Variants in GTF3C2 observed in about 807,000 individuals in gnomAD.
The protein encoded by GTF3C2 is general transcription factor IIIC subunit 2.
A neutral mutation model predicts 117.4 loss-of-function variants in GTF3C2; 17 were observed. The ratio of observed to expected loss-of-function variants is 0.14; its 90% CI spans 0.10 to 0.22. The LOEUF (loss-of-function observed/expected upper bound fraction) is 0.22, where lower values mean the gene tolerates loss of function less well. GTF3C2 is among the 10% of genes least tolerant of loss of function. The pLI is 1.00. For synonymous variants in GTF3C2, 437 were observed against 427.0 expected (o/e 1.02, Z -0.29); for missense variants, 888 against 1,143.6 (o/e 0.78, Z 3.22).
intron 1 of GTF3C2, among the ~76,000 whole-genome samples, chr2:27,353,265 C>CA (rs753511102): frequency 3.3e-5 from 5 of 151,696 alleles, no homozygotes; most frequent in Non-Finnish European, 7.4e-5. Context: ...TGGCGGCACA[C>CA]CCCTGTAATC....
chr2:27,326,092 G>A, exon 19 of GTF3C2: 1 of 407,304 alleles, frequency 2.5e-6, no homozygotes, highest in Non-Finnish European at 5.0e-6. Flanking sequence ...GTAAGCAGGA[G>A]CAAGTAAGAT....
intron 10 of GTF3C2, among the ~76,000 whole-genome samples, chr2:27,335,095 A>G (rs1389979679): frequency 6.6e-6 from 1 of 152,220 alleles, no homozygotes; most frequent in African/African-American, 2.4e-5. Context: ...ACTCAGTACT[A>G]ATGAAAAATA....
chr2:27,355,100 T>A (rs1228203959), intron 1 of GTF3C2, among the ~76,000 whole-genome samples: 1 of 152,240 alleles, frequency 6.6e-6, no homozygotes, highest in African/African-American at 2.4e-5. Flanking sequence ...CTGATCTTTT[T>A]AATTTTCGCC....
intron 1 of GTF3C2, chr2:27,356,104 C>A (rs1681366040): frequency 4.7e-6 from 6 of 1,289,212 alleles, no homozygotes; most frequent in Non-Finnish European, 5.1e-6. Flanking sequence ...ATCCCTCCAA[C>A]AAAGTGAGTT....
At chr2:27,333,893 T>TA (rs1680363694) in intron 11 of GTF3C2, 81 bp downstream of exon 11, 1 of 1,457,764 alleles carries the variant, frequency 6.9e-7, no homozygotes, top group South Asian at 1.1e-5. Flanking sequence ...TTCAGAAGTA[T>TA]AAGGAGACTC....
At chr2:27,326,930 T>A (rs778420883) in intron 18 of GTF3C2, 37 bp from the exon 19 acceptor site, 11 of 1,377,826 alleles carry the variant, frequency 8.0e-6, no homozygotes, top group Non-Finnish European at 1.1e-5. Flanking sequence ...GAGATGCTCA[T>A]GGGTGGTGCT....
chr2:27,343,039 G>A, exon 3 of GTF3C2: 1 of 1,614,092 alleles, frequency 6.2e-7, no homozygotes, highest in Non-Finnish European at 8.5e-7. Context: ...GGCTGATGGA[G>A]GATTAGGCTG....
chr2:27,353,571 T>C (rs1681217333), intron 1 of GTF3C2, among the ~76,000 whole-genome samples: 1 of 152,010 alleles, frequency 6.6e-6, no homozygotes, highest in Non-Finnish European at 1.5e-5. Flanking sequence ...CCTGAGTAGC[T>C]GGGATTACAG....
At chr2:27,327,837 A>G (rs1680137302) in intron 17 of GTF3C2, among the ~76,000 whole-genome samples, 200 bp downstream of exon 17, 2 of 152,134 alleles carry the variant, frequency 1.3e-5, no homozygotes, top group African/African-American at 4.8e-5. Flanking sequence ...CATGTTGGCC[A>G]GGATGGTCTT....
At chr2:27,352,649 C>T (rs1681175147) in intron 1 of GTF3C2, among the ~76,000 whole-genome samples, 1 of 152,104 alleles carries the variant, frequency 6.6e-6, no homozygotes, top group Non-Finnish European at 1.5e-5. Context: ...TACAGTCAAA[C>T]TTTTAAGACA....
Position 27,329,065 on chromosome 2 carries a change from T to C in GTF3C2, c.2039+56A>G. The C allele has an allele frequency of 6.4e-7, 1 of 1,564,002 alleles. No homozygotes were observed. Among genetic ancestry groups the C allele is most frequent in the African/African-American group, 1.4e-5 (1 of 74,056 alleles). ...TCTCCCCACAACAATCTGGCATGCT[T>C]TGCATTCCAACCCTTAGGGCCTGTC... On this transcript the variant is annotated intron_variant, in intron 14 of 18. Coordinates refer to ENST00000264720, the Ensembl canonical transcript of GTF3C2. This position sits in a 1 kb window ranked among gnomAD's most constrained non-coding sequence, Gnocchi z 4.5.
Position 27,328,841 on chromosome 2 carries a change from C to T in GTF3C2, c.2127+3G>A. 6.2e-7 allele frequency: 1 copy of T among 1,606,418 alleles called. No individual in the cohort carries two copies. The highest frequency in any genetic ancestry group is 1.1e-5 in the South Asian group (1 of 90,862). On this transcript the variant is annotated splice_donor_region_variant and intron_variant, in intron 15 of 18. Coordinates refer to ENST00000264720, the Ensembl canonical transcript of GTF3C2. ...GAAGACTGCAAAAGAAAGGGGGGCT[C>T]ACCCAAACGGTGCCTTTTCGAGGAG...
chr2:27,340,626 GTCTT>G (rs1680694346), intron 4 of GTF3C2: 1 of 148,268 alleles, frequency 6.7e-6, no homozygotes, highest in African/African-American at 2.5e-5. Flanking sequence ...AACTGAAACT[GTCTT>G]TTTTTTTTTT....
chr2:27,356,268 C>T (rs1027120497), intron 1 of GTF3C2: 1 of 419,934 alleles, frequency 2.4e-6, no homozygotes, highest in Non-Finnish European at 4.7e-6. Context: ...GTTAAAGAGC[C>T]TCCTCGAGGA....
intron 5 of GTF3C2, 29 bp downstream of exon 5, chr2:27,337,896 TA>T (rs890567882): frequency 4.5e-6 from 6 of 1,344,072 alleles, no homozygotes; most frequent in African/African-American, 4.3e-5. Flanking sequence ...ACCCCTTTAT[TA>T]ACCCCAGCCC....
intron 1 of GTF3C2, 188 bp downstream of exon 1, chr2:27,356,551 T>A (rs773029637): frequency 1.5e-5 from 3 of 206,520 alleles, no homozygotes; most frequent in Non-Finnish European, 3.1e-5. Context: ...GGGTGCACGG[T>A]GGCCACAGTA....
intron 1 of GTF3C2, among the ~76,000 whole-genome samples, chr2:27,345,390 C>T (rs945856474): frequency 6.6e-6 from 1 of 152,054 alleles, no homozygotes; most frequent in Non-Finnish European, 1.5e-5. Flanking sequence ...GTCAGGAGTT[C>T]GAGACCAGCC....
Position 27,328,260 on chromosome 2 carries a change from G to C in GTF3C2, c.2257-71C>G, listed in dbSNP as rs564504338. 2.1e-5 allele frequency: 27 copies of C among 1,264,564 alleles called. No individual in the cohort carries two copies. The South Asian group carries it at 3.3e-4, about 15-fold the overall frequency. The allele number at this position is 1,264,564 out of a possible 1,614,324, so 78.3% of individuals were successfully genotyped here. ...AATAAAAGCAGAGGAAAGTGGTTTG[G>C]GCAGGAAAGGCTTAAAGATGGAAAA... On this transcript the variant is annotated intron_variant, in intron 16 of 18. Transcript: ENST00000264720.
In GTF3C2 at chr2:27,329,471, C is replaced by T. The variant is rs1238382881; in HGVS notation, c.1785G>A (p.Arg595=). The T allele has an allele frequency of 6.2e-7, 1 of 1,613,968 alleles. No individual in the cohort carries two copies. Among genetic ancestry groups the T allele is most frequent in the Admixed American group, 1.7e-5 (1 of 60,008 alleles). The stretch of plus-strand genomic sequence containing the variant: ...AGAGCTTTAAGGAGCCATCAGAGAG[C>T]CGTATCCGCTGCAGGGGTGAGTTAG... Residue 595 remains arginine (R), a synonymous_variant, in exon 13 of 19, where the codon CGG becomes CGA. Transcript: ENST00000264720. This position sits in a 1 kb window ranked among gnomAD's most constrained non-coding sequence, Gnocchi z 4.5.
Sources: allele counts gnomAD v4.1 joint callset (sites outside exome capture counted in the v4.1 genomes callset), GRCh38; gene constraint gnomAD v4.1.1; non-coding constraint Gnocchi (gnomAD v3.1); transcripts MANE v1.5; gene names NCBI Gene and HGNC (gene_info 2026-07-23, HGNC 2026-07-21).